CCDC192: variants seen among roughly 807,000 people sequenced by gnomAD.
The protein encoded by CCDC192 is coiled-coil domain containing 192.
chr5:127,784,971 A>G (rs1756455641), intron 3 of CCDC192: 3 of 476,452 alleles, frequency 6.3e-6, no homozygotes, highest in African/African-American at 6.0e-5. Flanking sequence ...CCTCATCAGC[A>G]TTTACATTTT....
intron 2 of CCDC192, among the ~76,000 whole-genome samples, chr5:127,720,893 G>A (rs1261502989): frequency 6.6e-6 from 1 of 152,206 alleles, no homozygotes; most frequent in African/African-American, 2.4e-5. Flanking sequence ...AGTGGCTATA[G>A]TGCATGGCAC....
intron 3 of CCDC192, chr5:127,785,625 A>G (rs1325917561): frequency 2.4e-5 from 4 of 165,956 alleles, no homozygotes; most frequent in African/African-American, 9.6e-5. Context: ...CTGTTCTGGT[A>G]GATGAGCCTC....
chr5:127,857,205 C>A (rs573629949), intron 5 of CCDC192, among the ~76,000 whole-genome samples: 3 of 152,320 alleles, frequency 2.0e-5, no homozygotes, highest in African/African-American at 7.2e-5. Context: ...CTTTTACCCA[C>A]CTTACATCAG....
chr5:127,770,525 C>T (rs891490687), intron 3 of CCDC192, among the ~76,000 whole-genome samples: 4 of 152,206 alleles, frequency 2.6e-5, no homozygotes, highest in African/African-American at 9.7e-5. Context: ...ATAGAATGTG[C>T]AAATAGAATT....
intron 3 of CCDC192, among the ~76,000 whole-genome samples, chr5:127,758,917 T>C (rs890953699): frequency 1.3e-5 from 2 of 152,292 alleles, no homozygotes; most frequent in Admixed American, 6.5e-5. Context: ...AAAGATAGTG[T>C]CAAGAAAACC....
At chr5:127,886,232 A>G (rs1227592730) in intron 6 of CCDC192, among the ~76,000 whole-genome samples, 3 of 152,180 alleles carry the variant, frequency 2.0e-5, no homozygotes, top group Non-Finnish European at 4.4e-5. Flanking sequence ...TCTGCTCCAT[A>G]AAGATGGTCA....
At chr5:127,824,476 C>T (rs1749432087) in intron 5 of CCDC192, among the ~76,000 whole-genome samples, 3 of 152,170 alleles carry the variant, frequency 2.0e-5, no homozygotes, top group Admixed American at 6.5e-5. Flanking sequence ...TAATGCTTTT[C>T]TCACTGGGGG....
chr5:127,797,756 TATATATATATATATATATA>T (rs1561494093), intron 4 of CCDC192, among the ~76,000 whole-genome samples: 283 of 34,552 alleles, frequency 8.2e-3, no homozygotes, highest in African/African-American at 0.014. Flanking sequence ...TATATATATA[TATATATATATATATATATA>T]TATTTATTTA....
At chr5:127,897,296 C>A (rs762469438) in intron 6 of CCDC192, among the ~76,000 whole-genome samples, 63 of 151,156 alleles carry the variant, frequency 4.2e-4, no homozygotes, top group African/African-American at 1.5e-3. Context: ...AAATCAACAA[C>A]AAAAAATCAG....
chr5:127,895,643 C>T (rs187668174), intron 6 of CCDC192, among the ~76,000 whole-genome samples: 1 of 152,228 alleles, frequency 6.6e-6, no homozygotes, highest in Non-Finnish European at 1.5e-5. Context: ...AGTTTGAGAC[C>T]AGCCTGGCCA....
intron 2 of CCDC192, among the ~76,000 whole-genome samples, chr5:127,711,089 G>A (rs145244018): frequency 9.3e-4 from 141 of 152,280 alleles, no homozygotes; most frequent in Admixed American, 1.8e-3. Context: ...GGCCAAAATA[G>A]GATCACGACT....
intron 5 of CCDC192, among the ~76,000 whole-genome samples, chr5:127,812,960 A>T (rs1267978964): frequency 6.6e-6 from 1 of 152,162 alleles, no homozygotes; most frequent in Admixed American, 6.5e-5. Flanking sequence ...GCTTGACCCC[A>T]TAACCAAATG....
At chr5:127,813,673 G>T (rs2127004996) in intron 5 of CCDC192, among the ~76,000 whole-genome samples, 1 of 152,222 alleles carries the variant, frequency 6.6e-6, no homozygotes, top group Non-Finnish European at 1.5e-5. Context: ...ACAATACTCA[G>T]TGACCATATT....
intron 2 of CCDC192, among the ~76,000 whole-genome samples, chr5:127,730,797 G>C (rs551065900): frequency 6.6e-6 from 1 of 151,992 alleles, no homozygotes; most frequent in South Asian, 2.1e-4. Context: ...AGCAGAAAAG[G>C]CCTTCAATAA....
intron 3 of CCDC192, among the ~76,000 whole-genome samples, chr5:127,754,582 TTAGTC>T (rs1430216230): frequency 6.6e-6 from 1 of 151,878 alleles, no homozygotes; most frequent in Admixed American, 6.6e-5. Context: ...AGTGCTTACT[TTAGTC>T]TGTATGGACC....
chr5:127,718,370 A>T (rs922620015), intron 2 of CCDC192, among the ~76,000 whole-genome samples: 41 of 152,350 alleles, frequency 2.7e-4, no homozygotes, highest in African/African-American at 9.4e-4. Context: ...AAATGGAAGC[A>T]TCTGAGTGTC....
intron 2 of CCDC192, among the ~76,000 whole-genome samples, chr5:127,753,348 GT>G (rs1201318293): frequency 6.6e-6 from 1 of 152,152 alleles, no homozygotes; most frequent in Non-Finnish European, 1.5e-5. Context: ...TGTACCTTGT[GT>G]TTTCCTACCA....
At chr5:127,708,454 A>G (rs1195497903) in intron 2 of CCDC192, among the ~76,000 whole-genome samples, 5 of 152,150 alleles carry the variant, frequency 3.3e-5, no homozygotes, top group Non-Finnish European at 5.9e-5. Context: ...AACATTAGCT[A>G]TCTATATTTC....
intron 3 of CCDC192, among the ~76,000 whole-genome samples, chr5:127,772,391 G>T (rs970667013): frequency 6.6e-6 from 1 of 151,554 alleles, no homozygotes; most frequent in South Asian, 2.1e-4. Flanking sequence ...CCTGTGTTGG[G>T]GGGGTGCGGA....
Sources: allele counts gnomAD v4.1 joint callset (sites outside exome capture counted in the v4.1 genomes callset), GRCh38; gene constraint gnomAD v4.1.1; transcripts MANE v1.5; gene names NCBI Gene and HGNC (gene_info 2026-07-23, HGNC 2026-07-21).